The following TMEM132C variants were observed in gnomAD, a reference collection of about 807,000 sequenced individuals.
TMEM132C encodes protein phosphatase 1, regulatory subunit 152.
A neutral mutation model predicts 61.4 loss-of-function variants in TMEM132C; 29 were observed. That is an observed-to-expected ratio of 0.47 (90% CI 0.35 to 0.64). TMEM132C has a LOEUF of 0.64. TMEM132C is among the 30% of genes least tolerant of loss of function. The pLI is 0.00. For synonymous variants in TMEM132C, 656 were observed against 633.1 expected (o/e 1.04, Z -0.54); for missense variants, 1,408 against 1,476.9 (o/e 0.95, Z 0.76).
At chr12:128,593,843 C>T (rs1001925478) in intron 3 of TMEM132C, among the ~76,000 whole-genome samples, 7 of 152,236 alleles carry the variant, frequency 4.6e-5, no homozygotes, top group East Asian at 3.9e-4. Flanking sequence ...ACCTCCAGTG[C>T]ATTTTAGTTT....
At position 128,377,157 on chromosome 12, in the gene TMEM132C, C is replaced by T. The variant is rs538295402; in HGVS notation, c.86-37575C>T. 5.3e-5 allele frequency among the ~76,000 whole-genome samples: 8 copies of T among 151,940 alleles called. No individual in the cohort carries two copies. The East Asian group carries it at 9.7e-4, about 18-fold the overall frequency. The stretch of plus-strand genomic sequence containing the variant: ...GCAACCTCTGCCTTCCAGGTTCAAG[C>T]GATTCTCCTGCCTCAGACTCCCAAG... On this transcript the variant is annotated intron_variant, in intron 1 of 8. Coordinates refer to ENST00000435159, the MANE Select transcript of TMEM132C (RefSeq NM_001136103.3).
chr12:128,294,804 C>T (rs946590473), intron 1 of TMEM132C, among the ~76,000 whole-genome samples: 6 of 152,104 alleles, frequency 3.9e-5, no homozygotes, highest in Admixed American at 6.5e-5. Context: ...CCCAAAGGTA[C>T]CACCTCCTAA....
intron 5 of TMEM132C, among the ~76,000 whole-genome samples, chr12:128,682,407 T>A (rs937216645): frequency 6.6e-6 from 1 of 152,190 alleles, no homozygotes; most frequent in African/African-American, 2.4e-5. Context: ...GGGTTTTCCT[T>A]GATGACATTC....
At chr12:128,274,799 T>A (rs1422303372) in intron 1 of TMEM132C, among the ~76,000 whole-genome samples, 2 of 152,148 alleles carry the variant, frequency 1.3e-5, no homozygotes, top group African/African-American at 4.8e-5. Context: ...CCCAAACCAA[T>A]GGAATCAGGC....
intron 2 of TMEM132C, among the ~76,000 whole-genome samples, chr12:128,462,759 C>T (rs913380444): frequency 3.2e-4 from 48 of 152,232 alleles, no homozygotes; most frequent in African/African-American, 1.1e-3. Context: ...AAAAGGAATG[C>T]TTGTAACCTT....
chr12:128,448,119 G>T (rs6486643), intron 2 of TMEM132C, among the ~76,000 whole-genome samples: 39,929 of 151,336 alleles, frequency 0.26, 7,297 homozygotes, highest in African/African-American at 0.53. Flanking sequence ...AATTTTTTTT[G>T]TTGTTGTTGT....
chr12:128,574,333 A>T (rs1235350699), intron 3 of TMEM132C, among the ~76,000 whole-genome samples: 1 of 152,238 alleles, frequency 6.6e-6, no homozygotes, highest in African/African-American at 2.4e-5. Flanking sequence ...ATGTCTCTCA[A>T]GCACCAGCTA....
At chr12:128,619,202 G>A (rs1159452597) in intron 4 of TMEM132C, among the ~76,000 whole-genome samples, 1 of 152,206 alleles carries the variant, frequency 6.6e-6, no homozygotes, top group Non-Finnish European at 1.5e-5. Flanking sequence ...TTTCCAATTT[G>A]TTGATCGTTT....
chr12:128,523,582 A>G (rs1449665243), intron 2 of TMEM132C, among the ~76,000 whole-genome samples: 2 of 152,182 alleles, frequency 1.3e-5, no homozygotes, highest in Admixed American at 6.5e-5. Context: ...CGAACATTCC[A>G]CAAGGTAGAC....
chr12:128,560,636 C>G (rs1410627635), intron 3 of TMEM132C, among the ~76,000 whole-genome samples: 1 of 152,232 alleles, frequency 6.6e-6, no homozygotes, highest in African/African-American at 2.4e-5. Flanking sequence ...TGTTTGCCAT[C>G]TGTCTCTCCA....
At chr12:128,423,558 A>C (rs1000960738) in intron 2 of TMEM132C, among the ~76,000 whole-genome samples, 1 of 152,170 alleles carries the variant, frequency 6.6e-6, no homozygotes, top group African/African-American at 2.4e-5. Context: ...CACTTCTAGA[A>C]TCTCACTGTA....
intron 2 of TMEM132C, among the ~76,000 whole-genome samples, chr12:128,497,166 T>G (rs1871994170): frequency 6.6e-6 from 1 of 152,194 alleles, no homozygotes; most frequent in Admixed American, 6.5e-5. Flanking sequence ...GAACAGCAAA[T>G]GTTGCTGCCT....
chr12:128,669,663 C>T, intron 5 of TMEM132C, 103 bp downstream of exon 5: 3 of 1,385,702 alleles, frequency 2.2e-6, no homozygotes, highest in East Asian at 2.5e-5. Context: ...TTCAACTATA[C>T]AGAGGCTTAT....
At chr12:128,515,386 A>T (rs1872685326) in intron 2 of TMEM132C, among the ~76,000 whole-genome samples, 2 of 152,218 alleles carry the variant, frequency 1.3e-5, no homozygotes, top group Non-Finnish European at 2.9e-5. Flanking sequence ...TGCAAAAGCC[A>T]GTGAGGATGG....
chr12:128,473,497 C>T (rs1322096787), intron 2 of TMEM132C, among the ~76,000 whole-genome samples: 560 of 145,280 alleles, frequency 3.9e-3, no homozygotes, highest in South Asian at 0.024. Flanking sequence ...TATCTTCATC[C>T]TTACTCCAGC....
intron 4 of TMEM132C, among the ~76,000 whole-genome samples, chr12:128,620,064 C>T (rs2130206): frequency 6.6e-6 from 1 of 151,600 alleles, no homozygotes; most frequent in Non-Finnish European, 1.5e-5. Flanking sequence ...GACCTCATTT[C>T]TACAAAAAAA....
chr12:128,616,456 T>G (rs1382149470), intron 4 of TMEM132C, 121 bp downstream of exon 4: 2 of 1,061,688 alleles, frequency 1.9e-6, no homozygotes, highest in African/African-American at 3.2e-5. Flanking sequence ...TTTCAAAGTT[T>G]CTCGTCTTTC....
chr12:128,384,880 T>C (rs117547825), intron 1 of TMEM132C, among the ~76,000 whole-genome samples: 17 of 152,256 alleles, frequency 1.1e-4, no homozygotes, highest in East Asian at 9.7e-4. Flanking sequence ...GCCATGTAAA[T>C]AGAGTCCCTG....
intron 1 of TMEM132C, among the ~76,000 whole-genome samples, chr12:128,404,985 ACATGGAGGCCAGATAGGCAGGTGC>A (rs1875291765): frequency 2.4e-4 from 4 of 16,676 alleles, no homozygotes; most frequent in Non-Finnish European, 9.6e-4. Context: ...CGTGCTGTCC[ACATGGAGGCCAGATAGGCAGGTGC>A]AGCTGTCACC....
Sources: allele counts gnomAD v4.1 joint callset (sites outside exome capture counted in the v4.1 genomes callset), GRCh38; gene constraint gnomAD v4.1.1; transcripts MANE v1.5; gene names NCBI Gene and HGNC (gene_info 2026-07-23, HGNC 2026-07-21).